CAPSL: variants seen among roughly 807,000 people sequenced by gnomAD.
The protein encoded by CAPSL is calcyphosine like, also known as calcyphosin-like protein.
Under a neutral mutation model 21.3 loss-of-function variants are expected in CAPSL, and 17 were observed. The observed-to-expected ratio is 0.80, with a 90% CI of 0.55 to 1.20. The LOEUF is 1.20. Among genes scored for constraint, CAPSL ranks in the 50% most tolerant of loss-of-function variants. The pLI is 0.00. For missense variants in CAPSL, 289 were observed against 259.3 expected, an observed-to-expected ratio of 1.11 and a Z score of -0.79; for synonymous variants, 102 against 89.3, an observed-to-expected ratio of 1.14 and a Z score of -0.80.
intron 1 of CAPSL, among the ~76,000 whole-genome samples, chr5:35,923,873 T>C (rs932766384): frequency 2.6e-5 from 4 of 152,138 alleles, no homozygotes; most frequent in African/African-American, 9.7e-5. Flanking sequence ...CACTTTAAAA[T>C]TGCTAATTTA....
intron 2 of CAPSL, among the ~76,000 whole-genome samples, chr5:35,916,935 A>C (rs771610818): frequency 7.2e-5 from 11 of 152,220 alleles, no homozygotes; most frequent in Non-Finnish European, 1.2e-4. Flanking sequence ...GGCAACCTAC[A>C]GAAGGGGAGA....
rs754098152 is a variant in CAPSL, at chr5:35,919,170, A to AAAAAAAATAT, written c.137+1813_137+1814insATATTTTTTT. On this transcript the variant is annotated intron_variant, in intron 2 of 4. Coordinates refer to ENST00000651391, the MANE Select transcript of CAPSL (RefSeq NM_001042625.2). ...AGTATCTTTCCTGATTAAAAAAAAAAATATATATATATATATATATAAAAA... is the reference window on the plus strand; with the variant it reads ...AGTATCTTTCCTGATTAAAAAAAAAAAAAAAAATATATATATATATATATATATATAAAAA... Among the ~76,000 whole-genome samples, 24 of 121,276 alleles carry AAAAAAAATAT rather than the reference A, an allele frequency of 2.0e-4. No homozygotes were observed. The East Asian group carries it at 3.7e-3, about 19-fold the overall frequency. The allele number at this position is 121,276 out of a possible 152,430, so 79.6% of individuals were successfully genotyped here.
At chr5:35,928,351 G>A (rs1362295148) in intron 1 of CAPSL, among the ~76,000 whole-genome samples, 1 of 152,136 alleles carries the variant, frequency 6.6e-6, no homozygotes, top group East Asian at 1.9e-4. Context: ...TAGCCTAGCA[G>A]GCGGCTAGGA....
chr5:35,917,882 A>T (rs536596634), intron 2 of CAPSL, among the ~76,000 whole-genome samples: 174 of 152,248 alleles, frequency 1.1e-3, no homozygotes, highest in African/African-American at 3.4e-3. Flanking sequence ...TAAAATTTTA[A>T]AAAAAAGCTT....
intron 4 of CAPSL, among the ~76,000 whole-genome samples, chr5:35,908,195 C>T (rs898191558): frequency 1.3e-5 from 2 of 152,178 alleles, no homozygotes; most frequent in Non-Finnish European, 1.5e-5. Context: ...ATCTGGTACA[C>T]ATTAAAATGT....
At chr5:35,933,088 T>G (rs1173666414) in intron 1 of CAPSL, among the ~76,000 whole-genome samples, 1 of 152,194 alleles carries the variant, frequency 6.6e-6, no homozygotes, top group African/African-American at 2.4e-5. Flanking sequence ...TCATAGACCT[T>G]CTGGCCCATG....
intron 2 of CAPSL, among the ~76,000 whole-genome samples, chr5:35,912,935 A>T (rs1738270156): frequency 6.6e-6 from 1 of 152,196 alleles, no homozygotes; most frequent in African/African-American, 2.4e-5. Context: ...GTTTGCACCC[A>T]TGGCAAAGAA....
chr5:35,928,771 A>G (rs931556445), intron 1 of CAPSL, among the ~76,000 whole-genome samples: 35 of 152,168 alleles, frequency 2.3e-4, no homozygotes, highest in African/African-American at 8.4e-4. Flanking sequence ...GGCCCCTGGC[A>G]ACAAAGAATT....
chr5:35,924,468 A>T (rs1462810169), intron 1 of CAPSL, among the ~76,000 whole-genome samples: 1 of 152,182 alleles, frequency 6.6e-6, no homozygotes, highest in African/African-American at 2.4e-5. Flanking sequence ...AGAAACTGCC[A>T]GCCCAGTACC....
At chr5:35,909,136 G>A (rs533395260) in intron 4 of CAPSL, among the ~76,000 whole-genome samples, 45 of 151,240 alleles carry the variant, frequency 3.0e-4, no homozygotes, top group African/African-American at 1.1e-3. Flanking sequence ...ATAAAGGACA[G>A]ATGACATTTT....
At chr5:35,931,979 A>G (rs1455240092) in intron 1 of CAPSL, among the ~76,000 whole-genome samples, 3 of 152,204 alleles carry the variant, frequency 2.0e-5, no homozygotes, top group Non-Finnish European at 4.4e-5. Flanking sequence ...GCCCTTTTGC[A>G]GCCATTAGTC....
intron 2 of CAPSL, 49 bp downstream of exon 2, chr5:35,920,933 CAG>C (rs1176768630): frequency 1.3e-6 from 2 of 1,590,798 alleles, no homozygotes; most frequent in Admixed American, 1.7e-5. Flanking sequence ...CCTCACCTGG[CAG>C]AGTCATTCCT....
chr5:35,917,308 C>A (rs982411944), intron 2 of CAPSL, among the ~76,000 whole-genome samples: 1 of 152,188 alleles, frequency 6.6e-6, no homozygotes, highest in African/African-American at 2.4e-5. Flanking sequence ...GTCAGTGTGG[C>A]AATTCCTCAG....
chr5:35,921,326 C>T (rs1301275451), intron 1 of CAPSL, among the ~76,000 whole-genome samples: 2 of 152,164 alleles, frequency 1.3e-5, no homozygotes, highest in African/African-American at 4.8e-5. Flanking sequence ...CTGGTTTCTC[C>T]AGCCTAGACA....
In CAPSL at chr5:35,920,996, T is replaced by G; in HGVS notation, c.125A>C (p.Lys42Thr). Residue 42 changes from lysine (K) to threonine (T), a missense_variant, in exon 2 of 5, where the codon AAA becomes ACA. Lys to Thr is a moderately conservative substitution (Grantham distance 78). Transcript: ENST00000651391. ...AGCTGGGTCCTACCTGCCAAGTCCT[T>G]TGATCCCAGCAGAGCCCCTGGCCAG... ...QCLARGSAGI[K>T]GLGRVFRIMD... The G allele has an allele frequency of 5.0e-6, 8 of 1,613,964 alleles. No homozygotes were observed. Among genetic ancestry groups the G allele is most frequent in the Non-Finnish European group, 6.8e-6 (8 of 1,179,954 alleles).
intron 2 of CAPSL, among the ~76,000 whole-genome samples, chr5:35,911,284 TGGAAAAG>T (rs1738215125): frequency 6.6e-6 from 1 of 152,072 alleles, no homozygotes; most frequent in Admixed American, 6.5e-5. Context: ...AAGTACGATA[TGGAAAAG>T]GGAAAAGGGA....
intron 1 of CAPSL, among the ~76,000 whole-genome samples, chr5:35,923,827 TAGACG>T (rs1738599948): frequency 6.6e-6 from 1 of 152,234 alleles, no homozygotes; most frequent in African/African-American, 2.4e-5. Context: ...GAACTTGACA[TAGACG>T]GTGGTTTATC....
At chr5:35,928,850 T>C (rs1242075806) in intron 1 of CAPSL, among the ~76,000 whole-genome samples, 4 of 152,134 alleles carry the variant, frequency 2.6e-5, no homozygotes, top group African/African-American at 7.2e-5. Flanking sequence ...GGGACCACCG[T>C]GGGTGCTGTT....
At chr5:35,905,137 C>T (rs1466326289) in intron 4 of CAPSL, among the ~76,000 whole-genome samples, 3 of 152,150 alleles carry the variant, frequency 2.0e-5, no homozygotes, top group Non-Finnish European at 2.9e-5. Context: ...TTTTCTAACA[C>T]ATAAATAACT....
Sources: gnomAD v4.1 joint callset for allele counts (sites outside exome capture counted in the v4.1 genomes callset) on GRCh38, gnomAD v4.1.1 for gene constraint, MANE v1.5 for transcripts, NCBI Gene and HGNC (gene_info 2026-07-23, HGNC 2026-07-21) for gene names.